BTD: variants seen among roughly 807,000 people sequenced by gnomAD.
BTD encodes the protein biocytinase.
Under a neutral mutation model 17.7 loss-of-function variants are expected in BTD, and 13 were observed. That is an observed-to-expected ratio of 0.74 (90% confidence interval 0.48 to 1.17). BTD has a LOEUF of 1.17. Ranked by LOEUF, BTD falls within the 50% of genes most tolerant of loss-of-function variation. The probability of loss-of-function intolerance (pLI) is 0.00; values close to 1 mark genes in which losing one functional copy is unlikely to be tolerated. For missense variants in BTD, 674 were observed against 650.4 expected (o/e 1.04, Z -0.39); for synonymous variants, 240 against 245.2 (o/e 0.98, Z 0.20).
At chr3:15,632,096 G>A (rs967367071) in intron 1 of BTD, among the ~76,000 whole-genome samples, 127 of 152,152 alleles carry the variant, frequency 8.3e-4, no homozygotes, top group African/African-American at 2.8e-3. Context: ...CTCTCACCTC[G>A]CAGACCCACG....
intron 2 of BTD, 59 bp from the exon 3 acceptor site, chr3:15,641,849 A>G (rs2065518608): frequency 1.6e-6 from 2 of 1,254,414 alleles, no homozygotes; most frequent in African/African-American, 2.9e-5. Flanking sequence ...GAATGAATGA[A>G]TGCAGCGGTT....
Position 15,645,499 on chromosome 3 carries a change from T to C in BTD, c.*11T>C. On this transcript the variant is annotated 3_prime_UTR_variant, in exon 4 of 4. Coordinates refer to ENST00000643237, the MANE Select transcript of BTD (RefSeq NM_001370658.1). ...TATGAGAGGGACTAGGAAAAGTGTGTGGTCTGTGGGGCGGACTCTGGCCAT... is the reference window on the plus strand; with the variant it reads ...TATGAGAGGGACTAGGAAAAGTGTGCGGTCTGTGGGGCGGACTCTGGCCAT... The C allele has an allele frequency of 6.2e-7, 1 of 1,602,282 alleles. No homozygotes were observed. The highest frequency in any genetic ancestry group is 8.5e-7 in the Non-Finnish European group (1 of 1,179,932).
chr3:15,655,029 G>A (rs556019060), downstream of BTD, among the ~76,000 whole-genome samples: 5 of 152,254 alleles, frequency 3.3e-5, no homozygotes, highest in South Asian at 2.1e-4. Context: ...CACCGCGCCC[G>A]GCCTGCATCA....
chr3:15,688,033 T>C (rs2068343476), intron 3 of BTD, among the ~76,000 whole-genome samples: 1 of 152,222 alleles, frequency 6.6e-6, no homozygotes, highest in Non-Finnish European at 1.5e-5. Context: ...CTTGCATTTA[T>C]TGAATAGATA....
chr3:15,634,804 A>G (rs913274976), intron 1 of BTD, among the ~76,000 whole-genome samples: 2 of 152,242 alleles, frequency 1.3e-5, no homozygotes, highest in African/African-American at 4.8e-5. Context: ...CTATAAAAGA[A>G]AGTAGCTATT....
chr3:15,714,769 T>A, downstream of BTD: 1 of 688,170 alleles, frequency 1.5e-6, no homozygotes, highest in Non-Finnish European at 2.2e-6. Context: ...TTACATGAAT[T>A]AAGTTTAACT....
chr3:15,635,857 G>C lies in BTD; in HGVS notation c.249+169G>C, dbSNP rs940350394. Among the ~76,000 whole-genome samples the C allele has an allele frequency of 2.6e-5, 4 of 152,200 alleles. No homozygotes were observed. Among genetic ancestry groups the C allele is most frequent in the Non-Finnish European group, 4.4e-5 (3 of 68,038 alleles). On this transcript the variant is annotated intron_variant, in intron 2 of 3. Transcript: ENST00000643237. The surrounding 1 kb of genome is among the most constrained non-coding windows in gnomAD (Gnocchi z 4.1). ...TGAATTAGGAGCCTTACCCCTCAGA[G>C]AGTGGTCCGTGGACCGGCATCCCCT...
In BTD at chr3:15,649,796, C is replaced by A. The variant is rs2065773251; in HGVS notation, c.*4308C>A. On this transcript the variant is annotated 3_prime_UTR_variant, in exon 4 of 4. Coordinates refer to ENST00000643237, the MANE Select transcript of BTD (RefSeq NM_001370658.1). ...GTTTCCCATTCCCAGTTCACAGAGC[C>A]CTTTCTCATTGAACTATTTATCTGA... 6.6e-6 allele frequency among the ~76,000 whole-genome samples: 1 copy of A among 152,234 alleles called. No individual in the cohort carries two copies. The highest frequency in any genetic ancestry group is 1.9e-4 in the East Asian group (1 of 5,166).
chr3:15,642,784 A>G (rs1189280956), intron 3 of BTD, among the ~76,000 whole-genome samples: 1 of 152,016 alleles, frequency 6.6e-6, no homozygotes, highest in South Asian at 2.1e-4. Context: ...TTTTAAGCAT[A>G]CTATATGCTT....
intron 3 of BTD, among the ~76,000 whole-genome samples, chr3:15,642,928 T>C (rs889449166): frequency 2.0e-5 from 3 of 151,268 alleles, no homozygotes; most frequent in African/African-American, 7.3e-5. Context: ...CTTGGGAGGC[T>C]GAGGCAGGAG....
intron 1 of BTD, among the ~76,000 whole-genome samples, chr3:15,605,046 C>T (rs1329652289): frequency 1.3e-5 from 2 of 152,226 alleles, no homozygotes; most frequent in Admixed American, 6.5e-5. Flanking sequence ...CTGCCAGTTA[C>T]CCAGTTCCAA....
chr3:15,643,596 C>G (rs1457425012), intron 3 of BTD, among the ~76,000 whole-genome samples: 1 of 152,096 alleles, frequency 6.6e-6, no homozygotes, highest in Non-Finnish European at 1.5e-5. Flanking sequence ...GCACTTCTCT[C>G]TCACTAATGA....
chr3:15,655,679 A>G (rs1394899044), downstream of BTD, among the ~76,000 whole-genome samples: 4 of 152,226 alleles, frequency 2.6e-5, no homozygotes, highest in Admixed American at 2.6e-4. Context: ...GGACTACATG[A>G]GATGATTTCA....
At chr3:15,632,175 C>G (rs1398705439) in intron 1 of BTD, among the ~76,000 whole-genome samples, 2 of 152,168 alleles carry the variant, frequency 1.3e-5, no homozygotes, top group Non-Finnish European at 2.9e-5. Flanking sequence ...CTTCCTTGAC[C>G]ACACTGCTTA....
intron 1 of BTD, among the ~76,000 whole-genome samples, chr3:15,615,134 A>G (rs537181777): frequency 8.5e-5 from 13 of 152,294 alleles, no homozygotes; most frequent in African/African-American, 3.1e-4. Context: ...AGTCTTCAAG[A>G]AGAGAGTATG....
At chr3:15,664,588 G>C (rs1480085350) in intron 3 of BTD, among the ~76,000 whole-genome samples, 1 of 152,154 alleles carries the variant, frequency 6.6e-6, no homozygotes, top group African/African-American at 2.4e-5. Flanking sequence ...AATTTTGCCA[G>C]TTTTATCACG....
chr3:15,607,205 T>TA (rs2064484430), intron 1 of BTD, among the ~76,000 whole-genome samples: 1 of 152,226 alleles, frequency 6.6e-6, no homozygotes, highest in Non-Finnish European at 1.5e-5. Context: ...ACTGAAATGT[T>TA]ACTTGTTTTT....
At chr3:15,607,074 A>T (rs900955646) in intron 1 of BTD, among the ~76,000 whole-genome samples, 1 of 151,854 alleles carries the variant, frequency 6.6e-6, no homozygotes, top group Admixed American at 6.6e-5. Context: ...TACCCCTGAC[A>T]GGATTCCAGG....
chr3:15,622,358 C>A (rs915371478), intron 1 of BTD, among the ~76,000 whole-genome samples: 63 of 152,214 alleles, frequency 4.1e-4, no homozygotes, highest in Non-Finnish European at 1.5e-4. Context: ...TTGGGTATTT[C>A]TTGCTAAATT....
Sources: allele counts gnomAD v4.1 joint callset (sites outside exome capture counted in the v4.1 genomes callset), GRCh38; gene constraint gnomAD v4.1.1; non-coding constraint Gnocchi (gnomAD v3.1); transcripts MANE v1.5; gene names NCBI Gene and HGNC (gene_info 2026-07-23, HGNC 2026-07-21).